The following RPN2 variants were observed in gnomAD, a reference collection of about 807,000 sequenced individuals.
The protein encoded by RPN2 is dolichyl-diphosphooligosaccharide--protein glycosyltransferase subunit 2.
RPN2 carries 29 observed loss-of-function variants against 71.4 expected under a neutral mutation model. The ratio of observed to expected loss-of-function variants is 0.41; its 90% CI spans 0.30 to 0.55. The LOEUF is 0.55. Ranked by LOEUF, RPN2 falls within the 20% of genes least tolerant of loss-of-function variation. The pLI, the probability that RPN2 is intolerant of heterozygous loss-of-function variation, is 0.35. For synonymous variants in RPN2, 308 were observed against 305.0 expected (o/e 1.01, Z -0.10); for missense variants, 726 against 774.1 (o/e 0.94, Z 0.74).
chr20:37,180,525 C>T (rs1013536297), intron 1 of RPN2, among the ~76,000 whole-genome samples: 2 of 152,092 alleles, frequency 1.3e-5, no homozygotes, highest in Non-Finnish European at 2.9e-5. Context: ...AGGATTCTGA[C>T]ACAGGTGCTG....
intron 1 of RPN2, among the ~76,000 whole-genome samples, chr20:37,181,000 G>T (rs2066856855): frequency 6.6e-6 from 1 of 152,102 alleles, no homozygotes; most frequent in Non-Finnish European, 1.5e-5. Flanking sequence ...GGAGGCTGAG[G>T]CGGGCGGATC....
At chr20:37,236,464 C>T in intron 15 of RPN2, 116 bp from the exon 16 acceptor site, 4 of 1,085,734 alleles carry the variant, frequency 3.7e-6, no homozygotes, top group Non-Finnish European at 5.5e-6. Context: ...ATAAAACAAG[C>T]TGGTATAGGA....
chr20:37,220,623 T>A (rs188437048), intron 9 of RPN2, among the ~76,000 whole-genome samples: 1 of 152,324 alleles, frequency 6.6e-6, no homozygotes, highest in African/African-American at 2.4e-5. Flanking sequence ...CAGGCTTAGC[T>A]GCATTTAAAG....
At chr20:37,220,618 T>C (rs1278825514) in intron 9 of RPN2, among the ~76,000 whole-genome samples, 9 of 152,190 alleles carry the variant, frequency 5.9e-5, no homozygotes, top group Admixed American at 5.9e-4. Context: ...TAAAGCAGGC[T>C]TAGCTGCATT....
chr20:37,236,766 C>G (rs1440519694), intron 16 of RPN2, 57 bp downstream of exon 16: 2 of 1,572,708 alleles, frequency 1.3e-6, no homozygotes, highest in East Asian at 2.2e-5. Context: ...TCAGCTCTGC[C>G]GGCCTAGCTC....
intron 9 of RPN2, among the ~76,000 whole-genome samples, chr20:37,216,805 T>C (rs1299495655): frequency 1.3e-5 from 2 of 152,228 alleles, no homozygotes; most frequent in African/African-American, 2.4e-5. Context: ...TTCCCCCTTA[T>C]ATTTAAGGCT....
At chr20:37,235,559 C>G (rs1321148873) in intron 15 of RPN2, among the ~76,000 whole-genome samples, 1 of 152,186 alleles carries the variant, frequency 6.6e-6, no homozygotes, top group East Asian at 1.9e-4. Flanking sequence ...TGCTCCCTTC[C>G]TAGTCACAGT....
At chr20:37,191,758 T>G (rs1234047722) in intron 2 of RPN2, among the ~76,000 whole-genome samples, 1 of 152,030 alleles carries the variant, frequency 6.6e-6, no homozygotes, top group Non-Finnish European at 1.5e-5. Context: ...GAAAGGTGAT[T>G]TTACAGATAT....
At chr20:37,230,257 A>G (rs2068203191) in intron 13 of RPN2, among the ~76,000 whole-genome samples, 198 bp downstream of exon 13, 1 of 152,256 alleles carries the variant, frequency 6.6e-6, no homozygotes, top group Non-Finnish European at 1.5e-5. Context: ...ACTAACCCCC[A>G]GAAAGCAGAG....
intron 6 of RPN2, among the ~76,000 whole-genome samples, chr20:37,205,282 C>T (rs2067488286): frequency 6.6e-6 from 1 of 151,982 alleles, no homozygotes; most frequent in Non-Finnish European, 1.5e-5. Flanking sequence ...ACAATTGCTT[C>T]TCCTCCCTTC....
At chr20:37,188,017 C>T (rs1261470916) in intron 2 of RPN2, among the ~76,000 whole-genome samples, 1 of 151,692 alleles carries the variant, frequency 6.6e-6, no homozygotes, top group African/African-American at 2.4e-5. Context: ...TAGTGTTTGT[C>T]TAGTTTTGTT....
intron 1 of RPN2, among the ~76,000 whole-genome samples, chr20:37,183,622 G>A (rs1419232208): frequency 1.3e-5 from 2 of 152,212 alleles, no homozygotes; most frequent in Admixed American, 1.3e-4. Flanking sequence ...AATGGCAGAG[G>A]TGTGATTTAA....
At chr20:37,220,204 T>A (rs921867680) in intron 9 of RPN2, among the ~76,000 whole-genome samples, 1 of 151,962 alleles carries the variant, frequency 6.6e-6, no homozygotes, top group South Asian at 2.1e-4. Context: ...TGTGTGTGTG[T>A]GAGTGTGAGA....
At chr20:37,207,867 A>T (rs1457300419) in intron 7 of RPN2, among the ~76,000 whole-genome samples, 1 of 152,062 alleles carries the variant, frequency 6.6e-6, no homozygotes, top group East Asian at 2.0e-4. Flanking sequence ...TTTTTAGTAG[A>T]GATGGGGTTT....
chr20:37,238,020 C>A (rs1213914701), intron 16 of RPN2, among the ~76,000 whole-genome samples: 1 of 151,938 alleles, frequency 6.6e-6, no homozygotes, highest in East Asian at 1.9e-4. Flanking sequence ...AGTGAGACCT[C>A]GTCTCTCAAA....
intron 13 of RPN2, among the ~76,000 whole-genome samples, chr20:37,230,399 G>C (rs2068207402): frequency 6.6e-6 from 1 of 152,154 alleles, no homozygotes; most frequent in Non-Finnish European, 1.5e-5. Flanking sequence ...TGTAAATCAG[G>C]GCTGATGGGG....
chr20:37,237,808 C>T lies in RPN2; in HGVS notation c.1883+1099C>T, dbSNP rs114036400. On this transcript the variant is annotated intron_variant, in intron 16 of 16. Transcript: ENST00000237530. ...CTCAGTTGCTTTTGCAAAGCAGAAC[C>T]CTGTTCCCTTGCAGCACCTGCCTGG... Among the ~76,000 whole-genome samples the T allele has an allele frequency of 4.7e-3, 723 of 152,266 alleles. 7 individuals are homozygous for T. The highest frequency in any genetic ancestry group is 0.017 in the African/African-American group (689 of 41,550).
intron 1 of RPN2, chr20:37,179,732 G>A: frequency 4.4e-6 from 1 of 228,290 alleles, no homozygotes; most frequent in East Asian, 9.0e-5. Context: ...CCCTTACTCC[G>A]TGTGAGGTTT....
In RPN2 at chr20:37,184,192, T is replaced by C. The variant is rs1351475429; in HGVS notation, c.26T>C (p.Val9Ala). The C allele has an allele frequency of 7.4e-6, 12 of 1,614,178 alleles. 1 individual carries two copies. The South Asian group carries it at 1.2e-4, about 16-fold the overall frequency. The stretch of plus-strand genomic sequence containing the variant: ...GTTTCCCCCCAAGGTTCAAGCACTG[T>C]CTTCCTGTTGGCCCTGACAATCATA... The part of the protein sequence containing the change: MAPPGSST[V>A]FLLALTIIAS... The change falls in exon 2 of 17, where the codon GTC (valine) becomes GCC (alanine). Residue 9 changes from valine (V) to alanine (A), a missense_variant. Coordinates refer to ENST00000237530, the MANE Select transcript of RPN2 (RefSeq NM_002951.5).
Sources: allele counts gnomAD v4.1 joint callset (sites outside exome capture counted in the v4.1 genomes callset), GRCh38; gene constraint gnomAD v4.1.1; transcripts MANE v1.5; gene names NCBI Gene and HGNC (gene_info 2026-07-23, HGNC 2026-07-21).